PPP2R2B: variants seen among roughly 807,000 people sequenced by gnomAD.
PPP2R2B encodes the protein protein phosphatase 2 regulatory subunit Bbeta.
A neutral mutation model predicts 46.0 loss-of-function variants in PPP2R2B; 5 were observed. The ratio of observed to expected loss-of-function variants is 0.11; its 90% CI spans 0.06 to 0.23. The LOEUF is 0.23. Ranked by LOEUF, PPP2R2B falls within the 10% of genes least tolerant of loss-of-function variation. The probability of loss-of-function intolerance (pLI) is 1.00; values close to 1 mark genes in which losing one functional copy is unlikely to be tolerated. For synonymous variants in PPP2R2B, 215 were observed against 206.7 expected (o/e 1.04, Z -0.34); for missense variants, 367 against 575.0 (o/e 0.64, Z 3.70).
At chr5:146,907,680 G>T (rs1763046220) in intron 1 of PPP2R2B, among the ~76,000 whole-genome samples, 2 of 152,200 alleles carry the variant, frequency 1.3e-5, no homozygotes, top group South Asian at 4.1e-4. Context: ...CTGTATAAAT[G>T]CTGTTGATTT....
chr5:146,765,563 C>T (rs1341784521), intron 2 of PPP2R2B, among the ~76,000 whole-genome samples: 1 of 152,220 alleles, frequency 6.6e-6, no homozygotes, highest in African/African-American at 2.4e-5. Context: ...AATTGCCACT[C>T]TAAATTATAA....
chr5:146,807,776 C>CCTTTTT (rs1757269168), intron 2 of PPP2R2B, among the ~76,000 whole-genome samples: 11 of 36,904 alleles, frequency 3.0e-4, no homozygotes, highest in African/African-American at 7.9e-4. Context: ...GGGGTGCCTT[C>CCTTTTT]TTTTTTTTTT....
chr5:146,829,053 AT>A (rs953825383), intron 2 of PPP2R2B, among the ~76,000 whole-genome samples: 3 of 152,170 alleles, frequency 2.0e-5, no homozygotes, highest in Non-Finnish European at 2.9e-5. Context: ...GAAAGAAAAA[AT>A]TTTTTAAAAA....
intron 1 of PPP2R2B, among the ~76,000 whole-genome samples, chr5:146,883,766 A>T (rs1039276802): frequency 1.3e-5 from 2 of 152,246 alleles, no homozygotes; most frequent in African/African-American, 2.4e-5. Context: ...ATGCCACATA[A>T]GTGATCCTTT....
At chr5:146,639,034 G>A (rs944119429) in intron 6 of PPP2R2B, among the ~76,000 whole-genome samples, 83 of 152,228 alleles carry the variant, frequency 5.5e-4, no homozygotes, top group African/African-American at 1.5e-3. Context: ...TATAATTAGC[G>A]TTTTCCTTAT....
intron 2 of PPP2R2B, among the ~76,000 whole-genome samples, chr5:146,865,621 A>G (rs966477562): frequency 7.9e-5 from 12 of 152,324 alleles, no homozygotes; most frequent in Admixed American, 6.5e-4. Context: ...AGTGCCTAAT[A>G]TATAATAAAT....
chr5:146,910,934 T>C (rs961866811), intron 1 of PPP2R2B, among the ~76,000 whole-genome samples: 6 of 152,196 alleles, frequency 3.9e-5, no homozygotes, highest in Admixed American at 6.5e-5. Flanking sequence ...ATGTTCCATA[T>C]TCGTCTACCT....
chr5:147,000,027 G>T (rs1358972086), intron 1 of PPP2R2B, among the ~76,000 whole-genome samples: 1 of 152,126 alleles, frequency 6.6e-6, no homozygotes, highest in Non-Finnish European at 1.5e-5. Context: ...AAATTCTCAG[G>T]TGCTACTAGT....
chr5:146,734,061 T>G (rs200375972), intron 2 of PPP2R2B, among the ~76,000 whole-genome samples: 1 of 137,758 alleles, frequency 7.3e-6, no homozygotes, highest in East Asian at 2.8e-4. Context: ...GTTAGGTTTT[T>G]TTTTTTTTTT....
chr5:146,988,545 A>C (rs1465915523), intron 1 of PPP2R2B, among the ~76,000 whole-genome samples: 1 of 152,026 alleles, frequency 6.6e-6, no homozygotes, highest in African/African-American at 2.4e-5. Context: ...GTAAGAAGGA[A>C]ATTTAAAAAT....
Position 146,699,745 on chromosome 5 carries a change from T to A in PPP2R2B, c.168+1300A>T, listed in dbSNP as rs1335698171. On this transcript the variant is annotated intron_variant, in intron 3 of 9. Coordinates refer to ENST00000394411, the MANE Select transcript of PPP2R2B (RefSeq NM_181675.4). ...GTTCAAAAGACTTTAAATGCTGACATACTTGGTACTATCCTGCTCATTTGC... is the reference window on the plus strand; with the variant it reads ...GTTCAAAAGACTTTAAATGCTGACAAACTTGGTACTATCCTGCTCATTTGC... Among the ~76,000 whole-genome samples, 5 of 146,650 alleles carry A rather than the reference T, an allele frequency of 3.4e-5. No homozygotes were observed. The Admixed American group carries it at 3.5e-4, about 10-fold the overall frequency.
At chr5:146,932,972 G>C (rs1217746140) in intron 1 of PPP2R2B, among the ~76,000 whole-genome samples, 2 of 152,150 alleles carry the variant, frequency 1.3e-5, no homozygotes, top group African/African-American at 4.8e-5. Context: ...AATCTGGAAG[G>C]ACAGCCCAGG....
At chr5:146,862,204 A>C (rs190384266) in intron 2 of PPP2R2B, among the ~76,000 whole-genome samples, 54 of 152,318 alleles carry the variant, frequency 3.5e-4, no homozygotes, top group African/African-American at 1.3e-3. Flanking sequence ...CTGCAAGTCT[A>C]AACTCCCAAG....
chr5:146,832,805 G>A (rs78074625), intron 2 of PPP2R2B, among the ~76,000 whole-genome samples: 3,495 of 152,092 alleles, frequency 0.023, 36 homozygotes, highest in Middle Eastern at 0.044. Flanking sequence ...ATGCTGTACA[G>A]GTTTATAGTC....
At chr5:146,898,348 A>G (rs945450795) in intron 1 of PPP2R2B, among the ~76,000 whole-genome samples, 7 of 152,214 alleles carry the variant, frequency 4.6e-5, no homozygotes, top group African/African-American at 1.4e-4. Context: ...AAGTTTGACA[A>G]ACCTGAGAAA....
intron 2 of PPP2R2B, among the ~76,000 whole-genome samples, chr5:146,782,649 A>C (rs1016777780): frequency 1.5e-4 from 23 of 152,196 alleles, no homozygotes; most frequent in African/African-American, 5.3e-4. Flanking sequence ...TCAGTACTCA[A>C]TAGTTGTTTT....
intron 2 of PPP2R2B, among the ~76,000 whole-genome samples, chr5:146,752,187 A>C (rs991311357): frequency 1.5e-4 from 23 of 152,226 alleles, no homozygotes; most frequent in African/African-American, 5.3e-4. Flanking sequence ...GATCAGCTTG[A>C]GACGCTGTCA....
intron 2 of PPP2R2B, among the ~76,000 whole-genome samples, chr5:147,073,177 A>C (rs1333310637): frequency 6.6e-6 from 1 of 152,234 alleles, no homozygotes; most frequent in Non-Finnish European, 1.5e-5. Flanking sequence ...AGTGATTGGC[A>C]TTAGGGAAAG....
intron 2 of PPP2R2B, among the ~76,000 whole-genome samples, chr5:146,864,396 CAAAAAAA>C (rs34780019): frequency 9.6e-5 from 3 of 31,310 alleles, no homozygotes; most frequent in African/African-American, 1.3e-4. Context: ...TAGTATTAAC[CAAAAAAA>C]AAAAAAAAAA....
Sources: allele counts gnomAD v4.1 joint callset (sites outside exome capture counted in the v4.1 genomes callset), GRCh38; gene constraint gnomAD v4.1.1; transcripts MANE v1.5; gene names NCBI Gene and HGNC (gene_info 2026-07-23, HGNC 2026-07-21).